Variants in NSMCE4A observed in about 807,000 individuals in gnomAD.
The protein encoded by NSMCE4A is non-structural maintenance of chromosomes element 4 homolog A.
Under a neutral mutation model 47.9 loss-of-function variants are expected in NSMCE4A, and 40 were observed. That is an observed-to-expected ratio of 0.83 (90% CI 0.65 to 1.09). The LOEUF is 1.09. Among genes scored for constraint, NSMCE4A ranks in the 50% least tolerant of loss-of-function variants. The pLI is 0.00. For synonymous variants in NSMCE4A, 166 were observed against 178.5 expected (o/e 0.93, Z 0.56); for missense variants, 500 against 507.0 (o/e 0.99, Z 0.13).
At chr10:121,963,575 C>T (rs1952542531) in intron 5 of NSMCE4A, among the ~76,000 whole-genome samples, 1 of 150,452 alleles carries the variant, frequency 6.6e-6, no homozygotes, top group African/African-American at 2.4e-5. Context: ...GCACTAGAAG[C>T]GTGCACCACT....
rs1226162314 is a variant in NSMCE4A, at chr10:121,960,882, T to C, written c.940-476A>G. Among the ~76,000 whole-genome samples the C allele has an allele frequency of 6.6e-6, 1 of 152,174 alleles. No homozygotes were observed. Among genetic ancestry groups the C allele is most frequent in the South Asian group, 2.1e-4 (1 of 4,832 alleles). ...CTAAAGCAAATTTCCATGGTACATATCTGAGTAGAGTTTTAAAACCAATTT... is the reference window on the plus strand; with the variant it reads ...CTAAAGCAAATTTCCATGGTACATACCTGAGTAGAGTTTTAAAACCAATTT... On this transcript the variant is annotated intron_variant, in intron 7 of 10. Transcript: ENST00000369023. This position sits in a 1 kb window ranked among gnomAD's most constrained non-coding sequence, Gnocchi z 4.2.
At chr10:121,966,974 CAG>C (rs750963023) in intron 4 of NSMCE4A, 1 of 152,246 alleles carries the variant, frequency 6.6e-6, no homozygotes, top group African/African-American at 2.4e-5. Context: ...GGTCATCTAA[CAG>C]GGTATTATAA....
intron 10 of NSMCE4A, among the ~76,000 whole-genome samples, chr10:121,957,548 C>T (rs1043220679): frequency 6.6e-6 from 1 of 151,370 alleles, no homozygotes; most frequent in East Asian, 2.0e-4. Flanking sequence ...ATTCTCCTGC[C>T]TCAGCCTCCT....
Position 121,965,748 on chromosome 10 carries a change from C to T in NSMCE4A, c.654-363G>A, listed in dbSNP as rs1952595085. The T allele has an allele frequency of 1.7e-5, 3 of 178,664 alleles. No individual in the cohort carries two copies. In the Admixed American group the frequency reaches 1.9e-4, roughly 11 times the overall value. 11.1% of individuals were successfully genotyped at this position (178,664 alleles called of 1,614,324 possible). ...GATGAACATGTATGTGGGGAAGCTC[C>T]AGTGGGGTCAGAAGACTTTGATCTG... On this transcript the variant is annotated intron_variant, in intron 4 of 10. Coordinates refer to ENST00000369023, the MANE Select transcript of NSMCE4A (RefSeq NM_017615.3).
chr10:121,974,136 G>A lies in NSMCE4A; in HGVS notation c.293-55C>T, dbSNP rs1952770376. The A allele has an allele frequency of 2.6e-5, 38 of 1,459,646 alleles. 1 individual carries two copies. The South Asian group carries it at 4.5e-4, about 17-fold the overall frequency. 90.4% of individuals were successfully genotyped at this position (1,459,646 alleles called of 1,614,324 possible). ...TTTGTTCAGCATTCACTAATAAGCA[G>A]TTGACAAGGTTATCACCTGCAACAG... On this transcript the variant is annotated intron_variant, in intron 1 of 10. Transcript: ENST00000369023.
At chr10:121,962,418 C>CAAA (rs781536528) in intron 6 of NSMCE4A, among the ~76,000 whole-genome samples, 1 of 78,500 alleles carries the variant, frequency 1.3e-5, no homozygotes, top group Non-Finnish European at 2.5e-5. Flanking sequence ...GACTCTGTCT[C>CAAA]AAAAAAAAAA....
chr10:121,965,565 G>A (rs1006716969), intron 4 of NSMCE4A, among the ~76,000 whole-genome samples, 180 bp from the exon 5 acceptor site: 2 of 152,144 alleles, frequency 1.3e-5, no homozygotes, highest in African/African-American at 4.8e-5. Flanking sequence ...TGCCTTCTTT[G>A]TATTTCTAAA....
At chr10:121,965,001 C>T (rs1026372419) in intron 5 of NSMCE4A, among the ~76,000 whole-genome samples, 7 of 151,976 alleles carry the variant, frequency 4.6e-5, no homozygotes, top group Non-Finnish European at 2.9e-5. Flanking sequence ...TCCTACAATG[C>T]GCAGGACAGC....
intron 6 of NSMCE4A, chr10:121,962,132 A>G (rs1351688702): frequency 2.7e-6 from 1 of 372,782 alleles, no homozygotes; most frequent in Non-Finnish European, 5.2e-6. Flanking sequence ...AAAAAATAGG[A>G]ACTTGGCCGG....
At position 121,957,204 on chromosome 10, in the gene NSMCE4A, A is replaced by G. The variant is rs1952408775; in HGVS notation, c.*68T>C. 2.0e-5 allele frequency: 3 copies of G among 152,626 alleles called. No homozygotes were observed. The highest frequency in any genetic ancestry group is 2.9e-5 in the Non-Finnish European group (2 of 68,032). 9.5% of individuals were successfully genotyped at this position (152,626 alleles called of 1,614,324 possible). On this transcript the variant is annotated 3_prime_UTR_variant, in exon 11 of 11. Coordinates refer to ENST00000369023, the MANE Select transcript of NSMCE4A (RefSeq NM_017615.3). Reference sequence around the variant, plus strand: ...TCTGCCTTTAAAAATGTTGAATCATACAATATGTACGATACATGCCGCTTT... The same window carrying G: ...TCTGCCTTTAAAAATGTTGAATCATGCAATATGTACGATACATGCCGCTTT...
At chr10:121,962,825 G>A (rs1273824298) in intron 6 of NSMCE4A, among the ~76,000 whole-genome samples, 2 of 151,778 alleles carry the variant, frequency 1.3e-5, no homozygotes, top group South Asian at 2.1e-4. Context: ...TTGGTCAGGC[G>A]GGTATCGAAC....
At chr10:121,971,111 C>A (rs747825052) in intron 2 of NSMCE4A, 42 bp from the exon 3 acceptor site, 1 of 1,566,634 alleles carries the variant, frequency 6.4e-7, no homozygotes, top group South Asian at 1.2e-5. Flanking sequence ...ACAAAATACA[C>A]ATTATCCATA....
chr10:121,970,900 A>G (rs1952695441), intron 3 of NSMCE4A, 39 bp downstream of exon 3: 1 of 1,540,490 alleles, frequency 6.5e-7, no homozygotes. Flanking sequence ...AATATATAAC[A>G]GAACATTTTT....
At chr10:121,963,126 G>A (rs1158242111) in intron 6 of NSMCE4A, 112 bp downstream of exon 6, 10 of 488,408 alleles carry the variant, frequency 2.0e-5, no homozygotes, top group Non-Finnish European at 3.6e-5. Context: ...CTCATAAAAT[G>A]CATATGTATT....
intron 3 of NSMCE4A, among the ~76,000 whole-genome samples, chr10:121,969,841 G>A (rs1358955609): frequency 6.6e-6 from 1 of 152,022 alleles, no homozygotes; most frequent in Non-Finnish European, 1.5e-5. Context: ...TTAGCCTCCC[G>A]AGTAGCTGGG....
intron 1 of NSMCE4A, chr10:121,974,646 A>G: frequency 1.9e-6 from 2 of 1,078,008 alleles, no homozygotes; most frequent in South Asian, 9.0e-5. Context: ...CAGCTTTTCC[A>G]GCCCGCCACT....
intron 5 of NSMCE4A, 96 bp downstream of exon 5, chr10:121,965,190 G>A (rs11351821): frequency 0.3 from 237,740 of 786,906 alleles, 38,416 homozygotes; most frequent in South Asian, 0.43. Context: ...CTCCAGACCC[G>A]CACACTTAGA....
rs1384133214 is a variant in NSMCE4A at position 121,965,402 on chromosome 10, TTTCA to T, written c.654-21_654-18del. The T allele has an allele frequency of 5.7e-6, 9 of 1,578,986 alleles. No individual in the cohort carries two copies. In the African/African-American group the frequency reaches 1.1e-4, roughly 19 times the overall value. On this transcript the variant is annotated intron_variant, in intron 4 of 10. Transcript: ENST00000369023. ...GAACCCAACCTAATGAAAAGTATGC[TTTCA>T]TTTATTTTTTTTGCCTGTTGTTTGT...
chr10:121,974,789 G>C, intron 1 of NSMCE4A, 85 bp downstream of exon 1: 1 of 1,211,904 alleles, frequency 8.3e-7, no homozygotes, highest in Non-Finnish European at 1.0e-6. Context: ...CCCGGCACCT[G>C]CCTCCGGTGC....
Sources: gnomAD v4.1 joint callset for allele counts (sites outside exome capture counted in the v4.1 genomes callset) on GRCh38, gnomAD v4.1.1 for gene constraint, Gnocchi (gnomAD v3.1) non-coding constraint, MANE v1.5 for transcripts, NCBI Gene and HGNC (gene_info 2026-07-23, HGNC 2026-07-21) for gene names.